The following LARP4B variants were observed in gnomAD, a reference collection of about 807,000 sequenced individuals.
LARP4B encodes the protein la-related protein 4B.
LARP4B carries 12 observed loss-of-function variants against 89.8 expected under a neutral mutation model. The ratio of observed to expected loss-of-function variants is 0.13; its 90% CI spans 0.09 to 0.22. The LOEUF (loss-of-function observed/expected upper bound fraction) is 0.22, where lower values mean the gene tolerates loss of function less well. Ranked by LOEUF, LARP4B falls within the 10% of genes least tolerant of loss-of-function variation. The pLI is 1.00. For synonymous variants in LARP4B, 367 were observed against 363.3 expected, an observed-to-expected ratio of 1.01 and a Z score of -0.12; for missense variants, 757 against 947.7, an observed-to-expected ratio of 0.80 and a Z score of 2.64.
intron 1 of LARP4B, among the ~76,000 whole-genome samples, chr10:917,006 T>C (rs551669638): frequency 6.6e-6 from 1 of 152,288 alleles, no homozygotes; most frequent in East Asian, 1.9e-4. Flanking sequence ...TGGTAAGTAC[T>C]CTTGAATACA....
chr10:857,712 T>C (rs1197733585), intron 5 of LARP4B, among the ~76,000 whole-genome samples: 1 of 152,226 alleles, frequency 6.6e-6, no homozygotes, highest in East Asian at 1.9e-4. Context: ...CTGGTTAGTC[T>C]GTGTCAACAA....
In LARP4B at chr10:829,485, T is replaced by C. The variant is rs778423715; in HGVS notation, c.1025A>G (p.Tyr342Cys). The C allele has an allele frequency of 2.5e-6, 4 of 1,613,728 alleles. No individual in the cohort carries two copies. The highest frequency in any genetic ancestry group is 1.7e-5 in the Admixed American group (1 of 60,020). Reference protein sequence around the residue: ...YAQQRYATSFYFPPMYSPQQQ... With the variant: ...YAQQRYATSFCFPPMYSPQQQ... ...CTGGGGGCTGTACATGGGAGGGAAG[T>C]AGAACGACGTCGCGTAGCGCTGCTG... is the stretch of plus-strand genomic sequence containing the variant. Residue 342 changes from tyrosine to cysteine, a missense_variant, in exon 11 of 18, where the codon TAC becomes TGC. Coordinates refer to ENST00000316157, the MANE Select transcript of LARP4B (RefSeq NM_015155.3).
At chr10:815,395 A>C (rs1831984961) in intron 15 of LARP4B, 1 of 190,412 alleles carries the variant, frequency 5.3e-6, no homozygotes, top group Admixed American at 5.8e-5. Flanking sequence ...TGGGCCCAGC[A>C]CGGCACGGCA....
the LARP4B span, among the ~76,000 whole-genome samples, chr10:951,590 T>C: frequency 6.6e-6 from 1 of 151,074 alleles, no homozygotes; most frequent in Non-Finnish European, 1.5e-5. Flanking sequence ...TTAAAAACAA[T>C]GTCCACTTTG....
At chr10:977,997 C>G in the LARP4B span, among the ~76,000 whole-genome samples, 3 of 152,254 alleles carry the variant, frequency 2.0e-5, no homozygotes, top group African/African-American at 7.2e-5. Flanking sequence ...GATGAACTAC[C>G]CTATCCCATA....
In LARP4B at chr10:864,219, C is replaced by G. The variant is rs761154907; in HGVS notation, c.193G>C (p.Ala65Pro). ...CTTGCTTCCAGATGTAACACAGGAG[C>G]CCCCCACACTTCTGCATTAGGGTTC... Reference protein sequence around the residue: ...ELNPNAEVWGAPVLHLEASSA... With the variant: ...ELNPNAEVWGPPVLHLEASSA... The change falls in exon 4 of 18, where the codon GCT (alanine) becomes CCT (proline). Residue 65 changes from alanine (A) to proline (P), a missense_variant. This residue lies in a region of LARP4B where 175 missense variants were observed against 187.0 expected (regional missense o/e 0.94). Coordinates refer to ENST00000316157, the MANE Select transcript of LARP4B (RefSeq NM_015155.3). 3 of 1,614,102 alleles carry G rather than the reference C, an allele frequency of 1.9e-6. No homozygotes were observed. Among genetic ancestry groups the G allele is most frequent in the Non-Finnish European group, 2.5e-6 (3 of 1,179,974 alleles).
At chr10:880,020 C>T (rs1056856224) in intron 3 of LARP4B, among the ~76,000 whole-genome samples, 7 of 151,924 alleles carry the variant, frequency 4.6e-5, no homozygotes, top group South Asian at 2.1e-4. Context: ...GTGATCCGCC[C>T]GCCTCAGCCT....
chr10:888,374 A>T (rs79667335), intron 1 of LARP4B, among the ~76,000 whole-genome samples: 1 of 151,834 alleles, frequency 6.6e-6, no homozygotes, highest in Non-Finnish European at 1.5e-5. Context: ...ACAAACAAAA[A>T]CCCAGAAAAT....
At chr10:909,273 G>A (rs1489314395) in intron 1 of LARP4B, among the ~76,000 whole-genome samples, 35 of 128,924 alleles carry the variant, frequency 2.7e-4, no homozygotes, top group Non-Finnish European at 4.8e-4. Flanking sequence ...CAGCCTGGGC[G>A]ACAGAGCACG....
chr10:970,618 G>A, the LARP4B span, among the ~76,000 whole-genome samples: 2 of 152,262 alleles, frequency 1.3e-5, no homozygotes, highest in South Asian at 2.1e-4. Flanking sequence ...CTGGATCCTC[G>A]AATGGGTGAC....
the LARP4B span, among the ~76,000 whole-genome samples, chr10:951,718 AC>A: frequency 6.6e-6 from 1 of 152,238 alleles, no homozygotes; most frequent in Non-Finnish European, 1.5e-5. Flanking sequence ...AGGGAGTTTA[AC>A]ATACAACCTT....
intron 1 of LARP4B, among the ~76,000 whole-genome samples, chr10:906,673 C>A (rs1836501939): frequency 6.6e-6 from 1 of 152,182 alleles, no homozygotes. Flanking sequence ...AAGTGAATGC[C>A]CAGTGAACAC....
At chr10:842,820 T>G in intron 7 of LARP4B, 112 bp downstream of exon 7, 1 of 933,732 alleles carries the variant, frequency 1.1e-6, no homozygotes, top group Non-Finnish European at 1.6e-6. Context: ...GAAAAGAATC[T>G]GATTCGCCAT....
At chr10:975,483 A>T in the LARP4B span, among the ~76,000 whole-genome samples, 1 of 152,206 alleles carries the variant, frequency 6.6e-6, no homozygotes, top group Admixed American at 6.5e-5. Flanking sequence ...CCCTGCCTAG[A>T]TTTTCATATA....
intron 6 of LARP4B, among the ~76,000 whole-genome samples, chr10:843,624 G>A (rs1052323828): frequency 1.1e-4 from 16 of 152,104 alleles, no homozygotes; most frequent in South Asian, 4.1e-4. Context: ...GCTTGAACCC[G>A]AGAGGTGGAG....
intron 3 of LARP4B, among the ~76,000 whole-genome samples, chr10:871,523 C>A (rs1835197404): frequency 1.3e-5 from 2 of 152,122 alleles, no homozygotes; most frequent in African/African-American, 4.8e-5. Flanking sequence ...AACGCCAATT[C>A]TGTCCTCTTC....
intron 1 of LARP4B, among the ~76,000 whole-genome samples, chr10:918,289 A>C (rs1278068470): frequency 1.3e-5 from 2 of 152,168 alleles, no homozygotes; most frequent in African/African-American, 4.8e-5. Flanking sequence ...GGCCCAAATA[A>C]ACTCTTCACT....
Position 845,030 on chromosome 10 carries a change from G to A in LARP4B, c.456C>T (p.Ser152=). ...ETGGNESQPD[S]QEDPREVLKK... ...TAAGTACTTCTCGGGGGTCTTCCTG[G>A]CTGTCTGGTTGAGACTCATTTCCTC... The change falls in exon 6 of 18, where the codon AGC becomes AGT. Residue 152 remains serine (S), a synonymous_variant. Coordinates refer to ENST00000316157, the MANE Select transcript of LARP4B (RefSeq NM_015155.3). 6.2e-7 allele frequency: 1 copy of A among 1,607,870 alleles called. No homozygotes were observed. Among genetic ancestry groups the A allele is most frequent in the Non-Finnish European group, 8.5e-7 (1 of 1,178,336 alleles).
the LARP4B span, among the ~76,000 whole-genome samples, chr10:937,551 TAATC>T: frequency 6.6e-6 from 1 of 152,190 alleles, no homozygotes; most frequent in Admixed American, 6.5e-5. Context: ...CTGAATCAAG[TAATC>T]AATGTTAGCA....
Sources: allele counts gnomAD v4.1 joint callset (sites outside exome capture counted in the v4.1 genomes callset), GRCh38; gene constraint gnomAD v4.1.1; regional missense constraint gnomAD v4.1.1; transcripts MANE v1.5; gene names NCBI Gene and HGNC (gene_info 2026-07-23, HGNC 2026-07-21).